The following YPEL1 variants were observed in gnomAD, a reference collection of about 807,000 sequenced individuals.
YPEL1 encodes the protein yippee like 1, also known as protein yippee-like 1.
A neutral mutation model predicts 17.3 loss-of-function variants in YPEL1; 7 were observed. That is an observed-to-expected ratio of 0.40 (90% CI 0.23 to 0.76). The LOEUF (loss-of-function observed/expected upper bound fraction) is 0.76. YPEL1 is among the 30% of genes least tolerant of loss of function. YPEL1 has a pLI of 0.35. For missense variants in YPEL1, 91 were observed against 155.5 expected (o/e 0.59, Z 2.21); for synonymous variants, 59 against 59.6 (o/e 0.99, Z 0.05).
At chr22:21,727,031 A>G (rs145860860) in intron 1 of YPEL1, among the ~76,000 whole-genome samples, 147 of 152,232 alleles carry the variant, frequency 9.7e-4, no homozygotes, top group African/African-American at 3.3e-3. Flanking sequence ...CTTTATTTGG[A>G]GACCTTCATT....
At chr22:21,711,568 A>T (rs1368151459) in intron 1 of YPEL1, among the ~76,000 whole-genome samples, 1 of 152,124 alleles carries the variant, frequency 6.6e-6, no homozygotes, top group African/African-American at 2.4e-5. Context: ...CCTGAAATAA[A>T]CCCTTATGTA....
chr22:21,729,557 C>T (rs1009898886), intron 1 of YPEL1, among the ~76,000 whole-genome samples: 2 of 152,076 alleles, frequency 1.3e-5, no homozygotes, highest in African/African-American at 4.8e-5. Flanking sequence ...GCCATGATCA[C>T]ACCACTGCAC....
At chr22:21,709,485 G>C (rs1024874476) in intron 2 of YPEL1, among the ~76,000 whole-genome samples, 2 of 152,116 alleles carry the variant, frequency 1.3e-5, no homozygotes, top group African/African-American at 4.8e-5. Flanking sequence ...GGAAACCTAA[G>C]AGATTCCTGG....
At chr22:21,704,169 C>T in intron 2 of YPEL1, 2 of 718,156 alleles carry the variant, frequency 2.8e-6, no homozygotes, top group Middle Eastern at 4.6e-4. Context: ...AAATGGTGAG[C>T]TTCATATGTC....
At chr22:21,730,548 T>C (rs1364151399) in intron 1 of YPEL1, among the ~76,000 whole-genome samples, 1 of 152,188 alleles carries the variant, frequency 6.6e-6, no homozygotes, top group Non-Finnish European at 1.5e-5. Context: ...AACTCTCACA[T>C]AGTACATGAA....
intron 1 of YPEL1, among the ~76,000 whole-genome samples, chr22:21,719,376 A>G (rs1037589103): frequency 6.6e-6 from 1 of 152,230 alleles, no homozygotes; most frequent in East Asian, 1.9e-4. Flanking sequence ...TGTTACTAAA[A>G]TGAGACTTAA....
At chr22:21,714,812 ATC>A (rs10556255) in intron 1 of YPEL1, among the ~76,000 whole-genome samples, 31,548 of 152,108 alleles carry the variant, frequency 0.21, 3,459 homozygotes, top group African/African-American at 0.23. Flanking sequence ...AGGCAGCAGC[ATC>A]TCATTGTGGC....
intron 1 of YPEL1, among the ~76,000 whole-genome samples, chr22:21,717,400 A>T (rs1466387352): frequency 6.6e-6 from 1 of 151,892 alleles, no homozygotes; most frequent in Non-Finnish European, 1.5e-5. Flanking sequence ...AAACAAAAAA[A>T]CAGTGAGGAA....
rs986298119 is a variant in YPEL1 at position 21,706,947 on chromosome 22, T to C, written c.118-3065A>G. ...TAAAGTGAGTGTCATTTGAGCCCTT[T>C]ATTTAAAGTGAAAAATGTGTTTCTA... On this transcript the variant is annotated intron_variant, in intron 2 of 4. Transcript: ENST00000339468. 2.0e-4 allele frequency among the ~76,000 whole-genome samples: 31 copies of C among 152,276 alleles called. 1 individual carries two copies. Among genetic ancestry groups the C allele is most frequent in the Admixed American group, 1.6e-3 (25 of 15,276 alleles).
chr22:21,707,210 G>A (rs1456807548), intron 2 of YPEL1, among the ~76,000 whole-genome samples: 1 of 152,150 alleles, frequency 6.6e-6, no homozygotes, highest in Non-Finnish European at 1.5e-5. Flanking sequence ...TTGAGGCCAG[G>A]AGTTCGAGAC....
At chr22:21,713,359 C>T (rs913303910) in intron 1 of YPEL1, among the ~76,000 whole-genome samples, 12 of 152,184 alleles carry the variant, frequency 7.9e-5, no homozygotes, top group Admixed American at 2.6e-4. Flanking sequence ...GGGGAAGCAA[C>T]AGTGTGTCCC....
chr22:21,733,292 C>T (rs893166314), intron 1 of YPEL1, among the ~76,000 whole-genome samples: 6 of 151,812 alleles, frequency 4.0e-5, no homozygotes, highest in African/African-American at 1.5e-4. Context: ...TGGCACATGC[C>T]TGTAATCCCA....
At chr22:21,706,600 C>T (rs2068118258) in intron 2 of YPEL1, among the ~76,000 whole-genome samples, 1 of 152,062 alleles carries the variant, frequency 6.6e-6, no homozygotes, top group Non-Finnish European at 1.5e-5. Flanking sequence ...AATCCCAGCA[C>T]TTTGAGAGGC....
At chr22:21,701,272 C>A in intron 4 of YPEL1, 54 bp from the exon 5 acceptor site, 1 of 1,470,234 alleles carries the variant, frequency 6.8e-7, no homozygotes, top group South Asian at 1.2e-5. Flanking sequence ...TTTTCAATTT[C>A]ATCACTCTTT....
chr22:21,705,543 T>A (rs1272883776), intron 2 of YPEL1, among the ~76,000 whole-genome samples: 1 of 152,132 alleles, frequency 6.6e-6, no homozygotes, highest in Non-Finnish European at 1.5e-5. Flanking sequence ...GGCAAAAGGC[T>A]ATGAGGAATG....
intron 1 of YPEL1, among the ~76,000 whole-genome samples, chr22:21,719,956 G>C (rs1417757466): frequency 2.0e-5 from 3 of 150,672 alleles, no homozygotes; most frequent in African/African-American, 7.3e-5. Flanking sequence ...AGGTTGCAGG[G>C]AGCCAAGATC....
intron 1 of YPEL1, among the ~76,000 whole-genome samples, chr22:21,715,647 T>C (rs2068214639): frequency 6.6e-6 from 1 of 151,410 alleles, no homozygotes; most frequent in African/African-American, 2.4e-5. Flanking sequence ...GATGGCACCA[T>C]CTGCGCTCAC....
chr22:21,718,866 T>C (rs2068253279), intron 1 of YPEL1, among the ~76,000 whole-genome samples: 1 of 152,296 alleles, frequency 6.6e-6, no homozygotes, highest in South Asian at 2.1e-4. Context: ...TCTGAAAAAG[T>C]CTGCCTATAT....
intron 1 of YPEL1, among the ~76,000 whole-genome samples, chr22:21,725,612 C>T (rs2068327916): frequency 6.6e-6 from 1 of 151,968 alleles, no homozygotes; most frequent in Admixed American, 6.6e-5. Flanking sequence ...GTGTCCTGGC[C>T]CCTGAAAGGC....
Sources: allele counts gnomAD v4.1 joint callset (sites outside exome capture counted in the v4.1 genomes callset), GRCh38; gene constraint gnomAD v4.1.1; transcripts MANE v1.5; gene names NCBI Gene and HGNC (gene_info 2026-07-23, HGNC 2026-07-21).